The following CA6 variants were observed in gnomAD, a reference collection of about 807,000 sequenced individuals.
CA6 encodes the protein carbonate dehydratase VI.
Under a neutral mutation model 35.9 loss-of-function variants are expected in CA6, and 28 were observed. The observed-to-expected ratio is 0.78, with a 90% CI of 0.58 to 1.07. The LOEUF (loss-of-function observed/expected upper bound fraction) is 1.07, where lower values mean the gene tolerates loss of function less well. CA6 is among the 50% of genes least tolerant of loss of function. The probability of loss-of-function intolerance (pLI) is 0.00; values close to 1 mark genes in which losing one functional copy is unlikely to be tolerated. For missense variants in CA6, 377 were observed against 382.0 expected (o/e 0.99, Z 0.11); for synonymous variants, 148 against 152.6 (o/e 0.97, Z 0.22).
At chr1:8,956,379 G>A (rs752898050) in intron 2 of CA6, among the ~76,000 whole-genome samples, 4 of 152,056 alleles carry the variant, frequency 2.6e-5, no homozygotes, top group Non-Finnish European at 5.9e-5. Context: ...AGAGATTTCA[G>A]CTGGGCGTGG....
At chr1:8,971,328 T>C (rs1640105134) in intron 7 of CA6, among the ~76,000 whole-genome samples, 1 of 151,248 alleles carries the variant, frequency 6.6e-6, no homozygotes, top group South Asian at 2.1e-4. Context: ...TTTTTTTTTT[T>C]TGAGACAGAG....
At chr1:8,969,437 A>G (rs1640052586) in intron 6 of CA6, among the ~76,000 whole-genome samples, 3 of 151,978 alleles carry the variant, frequency 2.0e-5, no homozygotes, top group Admixed American at 2.0e-4. Flanking sequence ...AGAAAAGGAG[A>G]TGGAACTATG....
At chr1:8,946,499 C>T (rs951133957) in intron 1 of CA6, among the ~76,000 whole-genome samples, 1 of 152,082 alleles carries the variant, frequency 6.6e-6, no homozygotes, top group African/African-American at 2.4e-5. Flanking sequence ...ATAGCTTTCC[C>T]CTTCACAAAC....
At chr1:8,950,147 T>A (rs1221532645) in intron 2 of CA6, among the ~76,000 whole-genome samples, 1 of 124,076 alleles carries the variant, frequency 8.1e-6, no homozygotes, top group African/African-American at 4.7e-5. Context: ...GCCCAGCTAA[T>A]TTTTTTTGTA....
chr1:8,972,069 A>G (rs1447041680), intron 7 of CA6, among the ~76,000 whole-genome samples: 2 of 151,724 alleles, frequency 1.3e-5, no homozygotes, highest in Non-Finnish European at 2.9e-5. Flanking sequence ...CTTTTTTGAG[A>G]CAAGGTCTCA....
In CA6 at chr1:8,945,883, C is replaced by T. The variant is rs1639346475; in HGVS notation, c.-4C>T. 1.2e-6 allele frequency: 2 copies of T among 1,607,998 alleles called. No homozygotes were observed. The highest frequency in any genetic ancestry group is 2.7e-5 in the African/African-American group (2 of 74,742). ...ATCAGTCTTCATTACAGATGTGCAG[C>T]ACCATGAGGGCCCTGGTGCTTCTGC... On this transcript the variant is annotated 5_prime_UTR_variant, in exon 1 of 8. Coordinates refer to ENST00000377443, the MANE Select transcript of CA6 (RefSeq NM_001215.4).
chr1:8,964,648 T>C (rs749614209), intron 5 of CA6, among the ~76,000 whole-genome samples: 10 of 152,318 alleles, frequency 6.6e-5, no homozygotes, highest in South Asian at 6.2e-4. Context: ...CGTTATCTCC[T>C]GACCTTACCA....
At chr1:8,959,931 C>CAAAAAAAAAAAAAAAAAAAAA (rs373250863) in intron 4 of CA6, among the ~76,000 whole-genome samples, 3 of 75,176 alleles carry the variant, frequency 4.0e-5, no homozygotes, top group African/African-American at 2.0e-4. Flanking sequence ...GATTCTATCT[C>CAAAAAAAAAAAAAAAAAAAAA]AAAAAAAAAA....
chr1:8,971,458 C>G (rs1035186655), intron 7 of CA6, among the ~76,000 whole-genome samples: 25 of 151,920 alleles, frequency 1.6e-4, no homozygotes, highest in Middle Eastern at 3.2e-3. Context: ...ACTACAGGCA[C>G]CTACCACCAC....
chr1:8,958,328 CG>C (rs1553162887), intron 3 of CA6, among the ~76,000 whole-genome samples: 1 of 151,730 alleles, frequency 6.6e-6, no homozygotes, highest in Admixed American at 6.6e-5. Context: ...CCACCATGGC[CG>C]GCTAATTTTT....
At chr1:8,973,566 G>A (rs553606030) in intron 7 of CA6, among the ~76,000 whole-genome samples, 9 of 152,024 alleles carry the variant, frequency 5.9e-5, no homozygotes, top group Non-Finnish European at 8.8e-5. Context: ...GTTTAGGATC[G>A]ATTACTTCAA....
chr1:8,946,225 A>G (rs1639360537), intron 1 of CA6, among the ~76,000 whole-genome samples: 2 of 151,988 alleles, frequency 1.3e-5, no homozygotes, highest in Non-Finnish European at 2.9e-5. Flanking sequence ...TTTAGTAGAG[A>G]CAGGGTTTCA....
At position 8,974,821 on chromosome 1, in the gene CA6, G is replaced by C. The variant is rs970626424; in HGVS notation, c.*117G>C. The C allele has an allele frequency of 4.9e-5, 29 of 588,502 alleles. 1 individual carries two copies. The South Asian group carries it at 6.7e-4, about 14-fold the overall frequency. The allele number at this position is 588,502 out of a possible 1,614,324, so 36.5% of individuals were successfully genotyped here. A position where few individuals can be genotyped will look rare whatever the true frequency, so the allele number is the denominator to read the frequency against. Reference sequence around the variant, plus strand: ...AAGAAACCATGTGTGTCTGGAACACGCTGCTCCCCCTGGGGCAGCTGTTGG... The same window carrying C: ...AAGAAACCATGTGTGTCTGGAACACCCTGCTCCCCCTGGGGCAGCTGTTGG... On this transcript the variant is annotated 3_prime_UTR_variant, in exon 8 of 8. Coordinates refer to ENST00000377443, the MANE Select transcript of CA6 (RefSeq NM_001215.4).
At chr1:8,957,055 T>G (rs1043189950) in intron 2 of CA6, 82 bp from the exon 3 acceptor site, 10 of 1,268,034 alleles carry the variant, frequency 7.9e-6, no homozygotes, top group Middle Eastern at 2.1e-4. Flanking sequence ...AGGTGGGAGG[T>G]GAGCAGAGAA....
chr1:8,947,266 T>C (rs765909252), intron 1 of CA6, among the ~76,000 whole-genome samples: 8 of 152,060 alleles, frequency 5.3e-5, no homozygotes, highest in Non-Finnish European at 1.5e-5. Context: ...ATCCCCCTTC[T>C]TTCCATACGG....
chr1:8,962,662 G>A lies in CA6; in HGVS notation c.571+6G>A, dbSNP rs758772222. 22 of 1,612,292 alleles carry A rather than the reference G, an allele frequency of 1.4e-5. No individual in the cohort carries two copies. The highest frequency in any genetic ancestry group is 5.0e-5 in the Admixed American group (3 of 60,002). ...GGCCAACATCAAGTACCCAGGTAAG[G>A]GAAGCCAACTGTGGCTGCAGGAGGG... On this transcript the variant is annotated splice_donor_region_variant and intron_variant, in intron 5 of 7. Coordinates refer to ENST00000377443, the MANE Select transcript of CA6 (RefSeq NM_001215.4).
intron 7 of CA6, among the ~76,000 whole-genome samples, chr1:8,973,737 T>C (rs1640175154): frequency 5.2e-5 from 1 of 19,332 alleles, no homozygotes; most frequent in Non-Finnish European, 8.2e-5. Flanking sequence ...TCTTTCTTTC[T>C]TTCTTTCTTT....
chr1:8,963,548 G>A lies in CA6; in HGVS notation c.571+892G>A, dbSNP rs920214338. On this transcript the variant is annotated intron_variant, in intron 5 of 7. Transcript: ENST00000377443. This position sits in a 1 kb window ranked among gnomAD's most constrained non-coding sequence, Gnocchi z 4.1. ...TAGACATCTAACTGGTATTATTATC[G>A]TTATTATTTTTGAGACATGGTCTTG... is the stretch of plus-strand genomic sequence containing the variant. 1.3e-5 allele frequency among the ~76,000 whole-genome samples: 2 copies of A among 152,098 alleles called. No individual in the cohort carries two copies. Among genetic ancestry groups the A allele is most frequent in the South Asian group, 2.1e-4 (1 of 4,824 alleles).
intron 2 of CA6, chr1:8,951,890 GCT>G (rs1639547151): frequency 4.5e-6 from 1 of 221,668 alleles, no homozygotes. Context: ...TGCAATCTTG[GCT>G]CACTGAAACC....
Sources: gnomAD v4.1 joint callset for allele counts (sites outside exome capture counted in the v4.1 genomes callset) on GRCh38, gnomAD v4.1.1 for gene constraint, Gnocchi (gnomAD v3.1) non-coding constraint, MANE v1.5 for transcripts, NCBI Gene and HGNC (gene_info 2026-07-23, HGNC 2026-07-21) for gene names.